The following MIB1 variants were observed in gnomAD, a reference collection of about 807,000 sequenced individuals.
MIB1 encodes MIB E3 ubiquitin protein ligase 1.
A neutral mutation model predicts 124.5 loss-of-function variants in MIB1; 278 were observed. The observed-to-expected ratio is 2.23, with a 90% confidence interval of 2.02 to 2.47. The LOEUF is 2.47. Among genes scored for constraint, MIB1 ranks in the 30% most tolerant of loss-of-function variants. The pLI is 0.00. For missense variants in MIB1, 957 were observed against 1,254.4 expected (o/e 0.76, Z 3.58); for synonymous variants, 446 against 429.4 (o/e 1.04, Z -0.48).
At chr18:21,793,823 A>G (rs2146446079) in intron 7 of MIB1, 1 of 154,632 alleles carries the variant, frequency 6.5e-6, no homozygotes, top group South Asian at 2.1e-4. Context: ...GGCATATCAG[A>G]AAGATACGTG....
intron 10 of MIB1, among the ~76,000 whole-genome samples, chr18:21,804,295 A>G (rs1468813671): frequency 6.6e-6 from 1 of 152,246 alleles, no homozygotes; most frequent in Non-Finnish European, 1.5e-5. Flanking sequence ...TCCAAGAATC[A>G]AGAATCATAC....
At chr18:21,748,883 C>A (rs1856879373) in intron 1 of MIB1, among the ~76,000 whole-genome samples, 8 of 151,892 alleles carry the variant, frequency 5.3e-5, no homozygotes, top group Admixed American at 5.3e-4. Context: ...TAGGTGCACA[C>A]CACCAAGCCT....
intron 19 of MIB1, among the ~76,000 whole-genome samples, chr18:21,858,131 A>G (rs1023248117): frequency 1.3e-5 from 2 of 152,208 alleles, no homozygotes; most frequent in Non-Finnish European, 2.9e-5. Context: ...CATAAAAATC[A>G]TCTGAGAGAC....
Position 21,728,826 on chromosome 18 carries a change from C to A in MIB1, n.167+23703C>A, listed in dbSNP as rs535909854. The stretch of plus-strand genomic sequence containing the variant: ...TTGGGAACATTCAAAACCTGCTCTT[C>A]TAGCTATTTAAAAATATGCAATAAA... On this transcript the variant is annotated intron_variant and non_coding_transcript_variant, in intron 1 of 20. Coordinates refer to the MIB1 transcript ENST00000578646. Among the ~76,000 whole-genome samples, 4 of 152,332 alleles carry A rather than the reference C, an allele frequency of 2.6e-5. No individual in the cohort carries two copies. The East Asian group carries it at 7.7e-4, about 29-fold the overall frequency.
intron 1 of MIB1, among the ~76,000 whole-genome samples, chr18:21,716,661 C>G (rs998470947): frequency 1.3e-5 from 2 of 152,116 alleles, no homozygotes; most frequent in Non-Finnish European, 2.9e-5. Context: ...ACCATCCTGG[C>G]TAACACGGTG....
At chr18:21,850,478 G>A (rs1232990234) in intron 17 of MIB1, among the ~76,000 whole-genome samples, 2 of 152,068 alleles carry the variant, frequency 1.3e-5, no homozygotes, top group East Asian at 1.9e-4. Context: ...TAGCTGGCAG[G>A]GACTTAAAAG....
chr18:21,844,384 A>G, intron 15 of MIB1, 131 bp downstream of exon 15: 1 of 971,650 alleles, frequency 1.0e-6, no homozygotes, highest in East Asian at 2.6e-5. Flanking sequence ...AACTTAGTTT[A>G]TGAACTTAGT....
chr18:21,817,274 G>T (rs983414419), intron 11 of MIB1, among the ~76,000 whole-genome samples: 9 of 140,548 alleles, frequency 6.4e-5, no homozygotes, highest in African/African-American at 2.4e-4. Flanking sequence ...TCAGCCTCCC[G>T]AGTAGCTGGG....
chr18:21,748,452 G>A (rs2040936785), intron 1 of MIB1, among the ~76,000 whole-genome samples: 1 of 133,684 alleles, frequency 7.5e-6, no homozygotes, highest in Admixed American at 9.1e-5. Context: ...CTTTCTTTCT[G>A]GAGTTTCACT....
intron 12 of MIB1, among the ~76,000 whole-genome samples, chr18:21,825,092 C>CT (rs2041912447): frequency 1.3e-5 from 2 of 151,870 alleles, no homozygotes; most frequent in Non-Finnish European, 2.9e-5. Flanking sequence ...TTTTTGAAGA[C>CT]TAAAAACCTT....
At chr18:21,772,654 C>T (rs2041235537) in intron 3 of MIB1, among the ~76,000 whole-genome samples, 1 of 152,084 alleles carries the variant, frequency 6.6e-6, no homozygotes, top group Non-Finnish European at 1.5e-5. Context: ...GATTCTAGGC[C>T]TTAAAGCAAT....
chr18:21,786,051 G>A (rs758190771), intron 6 of MIB1, among the ~76,000 whole-genome samples: 27 of 150,776 alleles, frequency 1.8e-4, no homozygotes, highest in Non-Finnish European at 3.2e-4. Flanking sequence ...CTTTGTCTTT[G>A]ACCTTTGAGA....
At chr18:21,803,583 CAG>C (rs2041672803) in intron 9 of MIB1, 1 of 173,498 alleles carries the variant, frequency 5.8e-6, no homozygotes, top group Admixed American at 6.2e-5. Flanking sequence ...ACCATGGACT[CAG>C]AGATTAATCT....
chr18:21,829,840 G>A (rs1162316168), intron 12 of MIB1, among the ~76,000 whole-genome samples: 3 of 151,970 alleles, frequency 2.0e-5, no homozygotes, highest in Non-Finnish European at 4.4e-5. Context: ...AATCTTTTTA[G>A]TATAAAGGAT....
intron 8 of MIB1, among the ~76,000 whole-genome samples, chr18:21,798,907 CAT>C (rs1480865798): frequency 6.6e-6 from 1 of 152,034 alleles, no homozygotes; most frequent in African/African-American, 2.4e-5. Context: ...AAAAGGAAAA[CAT>C]AAAGTGACTT....
At chr18:21,773,506 A>T in intron 3 of MIB1, 118 bp from the exon 4 acceptor site, 2 of 653,060 alleles carry the variant, frequency 3.1e-6, no homozygotes, top group Non-Finnish European at 5.2e-6. Context: ...ATTTTTCATG[A>T]TCCTGTTACA....
At position 21,791,435 on chromosome 18, in the gene MIB1, CAG is replaced by C; in HGVS notation, c.971_972del (p.Gln324ArgfsTer13). On this transcript the variant is annotated frameshift_variant, in exon 7 of 21. Coordinates refer to ENST00000261537, the MANE Select transcript of MIB1 (RefSeq NM_020774.4). LOFTEE classifies it high-confidence loss of function. ...CATTGTCCGAAGTGGAGATGCTGCT[CAG>C]GGTGCAGAAGGAGGCACCTCGCAGT... The part of the protein sequence containing the change: ...ANIVRSGDAA[Q>X]GAEGGTSQFQ... The C allele has an allele frequency of 3.1e-6, 5 of 1,613,958 alleles. No homozygotes were observed. The highest frequency in any genetic ancestry group is 3.4e-6 in the Non-Finnish European group (4 of 1,179,934).
chr18:21,718,535 TCAGA>T, intron 1 of MIB1, among the ~76,000 whole-genome samples: 1 of 152,364 alleles, frequency 6.6e-6, no homozygotes, highest in South Asian at 2.1e-4. Flanking sequence ...GACTTTGGCC[TCAGA>T]TGTCATCTGA....
Position 21,714,390 on chromosome 18 carries a change from A to G in MIB1, n.167+9267A>G, listed in dbSNP as rs2040679389. ...GGAGGATAGGGCATGGGGAACAGGT[A>G]GTGTGAAATAGGTGGATCCACAGAC... On this transcript the variant is annotated intron_variant and non_coding_transcript_variant, in intron 1 of 20. Coordinates refer to the MIB1 transcript ENST00000578646. Among the ~76,000 whole-genome samples the G allele has an allele frequency of 2.6e-5, 4 of 151,830 alleles. No individual in the cohort carries two copies. In the South Asian group the frequency reaches 8.4e-4, roughly 32 times the overall value.
Sources: allele counts gnomAD v4.1 joint callset (sites outside exome capture counted in the v4.1 genomes callset), GRCh38; gene constraint gnomAD v4.1.1; transcripts MANE v1.5; gene names NCBI Gene and HGNC (gene_info 2026-07-23, HGNC 2026-07-21).